PIK3R4: variants seen among roughly 807,000 people sequenced by gnomAD.
PIK3R4 encodes phosphoinositide 3-kinase regulatory subunit 4.
PIK3R4 carries 46 observed loss-of-function variants against 136.5 expected under a neutral mutation model. The ratio of observed to expected loss-of-function variants is 0.34; its 90% CI spans 0.27 to 0.43. The LOEUF is 0.43. Ranked by LOEUF, PIK3R4 falls within the 20% of genes least tolerant of loss-of-function variation. The probability of loss-of-function intolerance (pLI) is 1.00; values close to 1 mark genes in which losing one functional copy is unlikely to be tolerated. For missense variants in PIK3R4, 1,331 were observed against 1,649.5 expected (o/e 0.81, Z 3.35); for synonymous variants, 557 against 566.7 (o/e 0.98, Z 0.24).
At chr3:130,700,379 T>C (rs921552860) in intron 13 of PIK3R4, among the ~76,000 whole-genome samples, 14 of 152,208 alleles carry the variant, frequency 9.2e-5, no homozygotes, top group African/African-American at 3.4e-4. Flanking sequence ...ACCAAATGCA[T>C]CCATCTCCCC....
In PIK3R4 at chr3:130,728,700, AAAGAAAG is replaced by A. The variant is rs2066746741; in HGVS notation, c.1586-23_1586-17del. Reference sequence around the variant, plus strand: ...GCTTGGAGCTCTAAAAAAAAAAAAAAAAGAAAGAAAGAAAGAAAGAAAAGAAATAGTT... The same window carrying A: ...GCTTGGAGCTCTAAAAAAAAAAAAAAAAAGAAAGAAAGAAAAGAAATAGTT... On this transcript the variant is annotated splice_polypyrimidine_tract_variant and intron_variant, in intron 5 of 19. Transcript: ENST00000356763. 4 of 1,415,514 alleles carry A rather than the reference AAAGAAAG, an allele frequency of 2.8e-6. No homozygotes were observed. Among genetic ancestry groups the A allele is most frequent in the Admixed American group, 4.7e-5 (2 of 42,528 alleles). 87.7% of individuals were successfully genotyped at this position (1,415,514 alleles called of 1,614,324 possible).
At chr3:130,745,289 GA>G in intron 1 of PIK3R4, 25 bp from the exon 2 acceptor site, 1 of 1,410,758 alleles carries the variant, frequency 7.1e-7, no homozygotes, top group Middle Eastern at 1.9e-4. Flanking sequence ...AACAAATGAA[GA>G]AAAAAGACAA....
chr3:130,704,050 T>A (rs2066593971), intron 12 of PIK3R4, among the ~76,000 whole-genome samples, 162 bp from the exon 13 acceptor site: 1 of 152,192 alleles, frequency 6.6e-6, no homozygotes, highest in Admixed American at 6.5e-5. Context: ...TACTGGACCA[T>A]GACAGATATT....
chr3:130,695,263 T>A (rs2066539964), intron 13 of PIK3R4, among the ~76,000 whole-genome samples: 1 of 152,168 alleles, frequency 6.6e-6, no homozygotes, highest in Non-Finnish European at 1.5e-5. Context: ...TGGTATCAGA[T>A]TGACATCTGC....
intron 15 of PIK3R4, 27 bp downstream of exon 15, chr3:130,686,184 C>G: frequency 6.7e-7 from 1 of 1,495,016 alleles, no homozygotes; most frequent in Middle Eastern, 1.7e-4. Context: ...ATTCAAAACC[C>G]AGCCAATGAC....
rs114464785 is a variant in PIK3R4 at position 130,702,945 on chromosome 3, C to A, written c.3098+778G>T. Among the ~76,000 whole-genome samples, 419 of 152,252 alleles carry A rather than the reference C, an allele frequency of 2.8e-3. 2 individuals are homozygous for A. Among genetic ancestry groups the A allele is most frequent in the African/African-American group, 9.8e-3 (405 of 41,538 alleles). On this transcript the variant is annotated intron_variant, in intron 13 of 19. Transcript: ENST00000356763. Reference sequence around the variant, plus strand: ...TCATATTCCATCTAATCCATTCATTCAGCAAATCTTGTTATATCCAGGATC... The same window carrying A: ...TCATATTCCATCTAATCCATTCATTAAGCAAATCTTGTTATATCCAGGATC...
At chr3:130,745,697 T>G (rs561764348) in intron 1 of PIK3R4, among the ~76,000 whole-genome samples, 1 of 152,230 alleles carries the variant, frequency 6.6e-6, no homozygotes, top group African/African-American at 2.4e-5. Flanking sequence ...CAAGAATCTG[T>G]AGTTTCTTGG....
intron 18 of PIK3R4, 64 bp downstream of exon 18, chr3:130,680,913 C>T: frequency 1.2e-6 from 1 of 845,962 alleles, no homozygotes; most frequent in South Asian, 1.6e-5. Context: ...ATTACAGTGC[C>T]ATCAGTATCT....
At chr3:130,702,311 A>T (rs1185308983) in intron 13 of PIK3R4, among the ~76,000 whole-genome samples, 2 of 152,218 alleles carry the variant, frequency 1.3e-5, no homozygotes, top group African/African-American at 2.4e-5. Context: ...AATATTTTAT[A>T]GTAAAATGTT....
At chr3:130,680,067 A>T (rs1472464976) in intron 19 of PIK3R4, among the ~76,000 whole-genome samples, 1 of 151,612 alleles carries the variant, frequency 6.6e-6, no homozygotes, top group Admixed American at 6.6e-5. Flanking sequence ...TCTCAAAAAA[A>T]AAAAAAAAAA....
intron 19 of PIK3R4, among the ~76,000 whole-genome samples, chr3:130,680,060 CAAAAA>C (rs1163413860): frequency 9.1e-5 from 6 of 65,584 alleles, no homozygotes; most frequent in South Asian, 4.7e-4. Context: ...GACTCCATCT[CAAAAA>C]AAAAAAAAAA....
Position 130,703,757 on chromosome 3 carries a change from T to C in PIK3R4, c.3064A>G (p.Ser1022Gly), listed in dbSNP as rs2066592071. ...SNDGTVKIWN[S>G]QKMEGKTTTT... ...GTGGTCTTCCCCTCCATCTTTTGAC[T>C]GTTCCAGATTTTCACTGTGCCATCA... The change falls in exon 13 of 20, where the codon AGT (serine) becomes GGT (glycine). Residue 1022 changes from serine (S) to glycine (G), a missense_variant. This residue lies in a region of PIK3R4 where 1,180 missense variants were observed against 1,407.0 expected (regional missense o/e 0.84). Transcript: ENST00000356763. 3.7e-6 allele frequency: 6 copies of C among 1,613,484 alleles called. No homozygotes were observed. Among genetic ancestry groups the C allele is most frequent in the African/African-American group, 2.7e-5 (2 of 74,918 alleles).
At position 130,707,155 on chromosome 3, in the gene PIK3R4, A is replaced by C; in HGVS notation, c.2534-20T>G. On this transcript the variant is annotated intron_variant, in intron 10 of 19. Transcript: ENST00000356763. ...TTCTGGCTATGAAAATATATTCAGA[A>C]TAGTTAGTCTGAAGGTAGCCTTTAA... is the stretch of plus-strand genomic sequence containing the variant. The C allele has an allele frequency of 6.5e-7, 1 of 1,548,666 alleles. No individual in the cohort carries two copies. The highest frequency in any genetic ancestry group is 8.8e-7 in the Non-Finnish European group (1 of 1,133,296).
chr3:130,735,848 G>A (rs374394908), intron 3 of PIK3R4, 21 bp downstream of exon 3: 75 of 1,591,184 alleles, frequency 4.7e-5, no homozygotes, highest in East Asian at 4.0e-4. Flanking sequence ...ACTTTATGGC[G>A]AATATTTGTA....
At position 130,679,277 on chromosome 3, in the gene PIK3R4, T is replaced by C. The variant is rs1166336796; in HGVS notation, c.*38A>G. 1.6e-6 allele frequency: 2 copies of C among 1,273,668 alleles called. No individual in the cohort carries two copies. The highest frequency in any genetic ancestry group is 5.3e-5 in the Admixed American group (2 of 37,404). 78.9% of individuals were successfully genotyped at this position (1,273,668 alleles called of 1,614,324 possible). ...TGCCTTTTCTCGAGTTATAGTATTA[T>C]ATTTATAACTATTAAAATTTATACA... On this transcript the variant is annotated 3_prime_UTR_variant, in exon 20 of 20. Transcript: ENST00000356763.
At chr3:130,715,425 G>A (rs185951066) in intron 9 of PIK3R4, among the ~76,000 whole-genome samples, 5 of 152,164 alleles carry the variant, frequency 3.3e-5, no homozygotes, top group Non-Finnish European at 7.4e-5. Flanking sequence ...CACCCGGCCT[G>A]TTTCCTGACT....
At chr3:130,710,490 C>T (rs1217759973) in intron 9 of PIK3R4, among the ~76,000 whole-genome samples, 6 of 151,966 alleles carry the variant, frequency 3.9e-5, no homozygotes, top group Non-Finnish European at 7.4e-5. Context: ...GGTATAATGT[C>T]GAGAGTTTTC....
chr3:130,723,329 C>A (rs1464275917), intron 7 of PIK3R4, 85 bp downstream of exon 7: 2 of 1,154,752 alleles, frequency 1.7e-6, no homozygotes, highest in African/African-American at 1.6e-5. Context: ...ATAGCAGGAA[C>A]AATAAAGTTG....
chr3:130,745,794 C>T (rs1308620322), intron 1 of PIK3R4, among the ~76,000 whole-genome samples: 1 of 152,112 alleles, frequency 6.6e-6, no homozygotes, highest in African/African-American at 2.4e-5. Context: ...GAGGCCGAGG[C>T]GGGAGGATCA....
Sources: allele counts gnomAD v4.1 joint callset (sites outside exome capture counted in the v4.1 genomes callset), GRCh38; gene constraint gnomAD v4.1.1; regional missense constraint gnomAD v4.1.1; transcripts MANE v1.5; gene names NCBI Gene and HGNC (gene_info 2026-07-23, HGNC 2026-07-21).